The following PLS3 variants were observed in gnomAD, a reference collection of about 807,000 sequenced individuals.
PLS3 encodes plastin 3.
A neutral mutation model predicts 46.5 loss-of-function variants in PLS3; 11 were observed. The observed-to-expected ratio is 0.24, with a 90% CI of 0.15 to 0.39. PLS3 has a LOEUF of 0.39. PLS3 is among the 10% of genes least tolerant of loss of function. The pLI, the probability that PLS3 is intolerant of heterozygous loss-of-function variation, is 1.00. For synonymous variants in PLS3, 167 were observed against 162.2 expected, an observed-to-expected ratio of 1.03 and a Z score of -0.22; for missense variants, 308 against 461.8, an observed-to-expected ratio of 0.67 and a Z score of 3.05.
chrX:115,629,228 G>A lies in PLS3; in HGVS notation c.268G>A (p.Ala90Thr). 8.4e-7 allele frequency: 1 copy of A among 1,192,807 alleles called. No homozygotes were observed. Among genetic ancestry groups the A allele is most frequent in the South Asian group, 1.8e-5 (1 of 56,247 alleles). Residue 90 changes from alanine (A) to threonine (T), a missense_variant, in exon 4 of 16, where the codon GCC becomes ACC. This residue lies in a region of PLS3 where 271 missense variants were observed against 435.7 expected (regional missense o/e 0.62). Coordinates refer to ENST00000355899, the MANE Select transcript of PLS3 (RefSeq NM_005032.7). ...TCAAGAGGTAAAAAGTAGTGATATT[G>A]CCAAGACCTTCCGCAAAGCAATCAA... ...IFQEVKSSDI[A>T]KTFRKAINRK...
At chrX:115,563,098 C>T (rs2074150224) in intron 1 of PLS3, among the ~76,000 whole-genome samples, 1 of 111,563 alleles carries the variant, frequency 9.0e-6, no homozygotes, top group African/African-American at 3.3e-5. Context: ...ACTCATGCCT[C>T]ATTTTGTCCC....
At chrX:115,611,505 G>A (rs1400348395) in intron 2 of PLS3, among the ~76,000 whole-genome samples, 1 of 110,822 alleles carries the variant, frequency 9.0e-6, no homozygotes, top group East Asian at 2.8e-4. Flanking sequence ...AGTCAAAATA[G>A]TCTTATAATT....
At chrX:115,642,360 G>T (rs782682591) in intron 9 of PLS3, among the ~76,000 whole-genome samples, 130 of 111,420 alleles carry the variant, frequency 1.2e-3, no homozygotes, top group African/African-American at 3.9e-3. Context: ...AAAGAAATCA[G>T]TGGAAATAGA....
At position 115,579,207 on chromosome X, in the gene PLS3, T is replaced by C. The variant is rs111260589; in HGVS notation, c.-9+17947T>C. ...AGCTTTTTTTCTCTGAGCGTAATTC[T>C]CTTAGAGATTCAACCTAAGTTGTTG... is the stretch of plus-strand genomic sequence containing the variant. On this transcript the variant is annotated intron_variant, in intron 1 of 15. Transcript: ENST00000355899. Among the ~76,000 whole-genome samples, 597 of 112,190 alleles carry C rather than the reference T, an allele frequency of 5.3e-3. 2 individuals carry two copies. Among genetic ancestry groups the C allele is most frequent in the African/African-American group, 0.018 (556 of 30,913 alleles).
chrX:115,641,792 T>G (rs1345591360), intron 9 of PLS3, among the ~76,000 whole-genome samples: 1 of 110,258 alleles, frequency 9.1e-6, no homozygotes, highest in Non-Finnish European at 1.9e-5. Context: ...AAAACACTCT[T>G]TTGTCTCTTC....
chrX:115,598,292 C>CAA (rs782523501), intron 1 of PLS3, among the ~76,000 whole-genome samples: 1 of 65,454 alleles, frequency 1.5e-5, no homozygotes, highest in African/African-American at 5.3e-5. Context: ...GATTCTATTT[C>CAA]AAAAAAAAAA....
chrX:115,640,206 A>T, intron 8 of PLS3: 1 of 815,359 alleles, frequency 1.2e-6, no homozygotes, highest in Non-Finnish European at 1.8e-6. Context: ...AGTCATGTCA[A>T]AATCCAGTTC....
chrX:115,574,165 T>C (rs1416772781), intron 1 of PLS3, among the ~76,000 whole-genome samples: 1 of 111,824 alleles, frequency 8.9e-6, no homozygotes, highest in Non-Finnish European at 1.9e-5. Context: ...GAAAGAGCTG[T>C]ACTTTTAGGG....
intron 8 of PLS3, among the ~76,000 whole-genome samples, chrX:115,637,318 C>T (rs1320368865): frequency 3.6e-5 from 4 of 111,241 alleles, no homozygotes; most frequent in African/African-American, 1.3e-4. Context: ...AGTAAACACA[C>T]CTAGAAGAGA....
chrX:115,632,881 G>A (rs957781327), intron 5 of PLS3, among the ~76,000 whole-genome samples: 5 of 109,195 alleles, frequency 4.6e-5, no homozygotes, highest in African/African-American at 1.7e-4. Flanking sequence ...ACAAGCATGC[G>A]CCACTATGCC....
At chrX:115,636,061 T>G (rs1049993197) in intron 7 of PLS3, among the ~76,000 whole-genome samples, 73 of 111,039 alleles carry the variant, frequency 6.6e-4, no homozygotes, top group African/African-American at 2.1e-3. Context: ...TGAATTATAT[T>G]TCTGTTAAAA....
chrX:115,579,652 C>G (rs1287681096), intron 1 of PLS3, among the ~76,000 whole-genome samples: 2 of 111,988 alleles, frequency 1.8e-5, no homozygotes, highest in Non-Finnish European at 3.8e-5. Flanking sequence ...TTCATAATAA[C>G]TAATGATGTT....
chrX:115,577,518 CCCAGG>C (rs1556631346), intron 1 of PLS3, among the ~76,000 whole-genome samples: 2 of 110,895 alleles, frequency 1.8e-5, no homozygotes, highest in Admixed American at 9.7e-5. Context: ...TGCTCTGTTG[CCCAGG>C]CTGGAGAGTA....
chrX:115,581,589 TTGAA>T (rs2074279755), intron 1 of PLS3, among the ~76,000 whole-genome samples: 1 of 111,862 alleles, frequency 8.9e-6, no homozygotes. Flanking sequence ...TGAGGGAAAA[TTGAA>T]TGAGATCATG....
chrX:115,583,334 A>G (rs2074289739), intron 1 of PLS3, among the ~76,000 whole-genome samples: 2 of 112,860 alleles, frequency 1.8e-5, no homozygotes, highest in African/African-American at 6.4e-5. Context: ...ATTCATGGCA[A>G]ACTCCCAATG....
At position 115,629,230 on chromosome X, in the gene PLS3, C is replaced by A. The variant is rs1556638888; in HGVS notation, c.270C>A (p.Ala90=). The change falls in exon 4 of 16, where the codon GCC becomes GCA. Residue 90 remains alanine, a synonymous_variant. Coordinates refer to ENST00000355899, the MANE Select transcript of PLS3 (RefSeq NM_005032.7). ...IFQEVKSSDI[A]KTFRKAINRK... ...AAGAGGTAAAAAGTAGTGATATTGC[C>A]AAGACCTTCCGCAAAGCAATCAACA... 11 of 1,190,389 alleles carry A rather than the reference C, an allele frequency of 9.2e-6. No individual in the cohort carries two copies. Among genetic ancestry groups the A allele is most frequent in the Admixed American group, 4.4e-5 (2 of 45,402 alleles).
chrX:115,585,204 A>G (rs1348044289), intron 1 of PLS3, among the ~76,000 whole-genome samples: 1 of 110,988 alleles, frequency 9.0e-6, no homozygotes, highest in Non-Finnish European at 1.9e-5. Context: ...GAGCCCCTTG[A>G]GGATATGAAA....
chrX:115,622,233 C>G lies in PLS3; in HGVS notation c.74-13C>G. 1 of 1,184,374 alleles carries G rather than the reference C, an allele frequency of 8.4e-7. No homozygotes were observed. On this transcript the variant is annotated splice_polypyrimidine_tract_variant and intron_variant, in intron 2 of 15. Transcript: ENST00000355899. ...TTTTTTTCCTTTTTTGCTTGCTCTCCTTTTTTACAAAGATCTCAACAGCAA... is the reference window on the plus strand; with the variant it reads ...TTTTTTTCCTTTTTTGCTTGCTCTCGTTTTTTACAAAGATCTCAACAGCAA...
chrX:115,642,003 C>T (rs2074902000), intron 9 of PLS3, among the ~76,000 whole-genome samples: 1 of 105,077 alleles, frequency 9.5e-6, no homozygotes, highest in African/African-American at 3.5e-5. Context: ...TTTCAGTGTC[C>T]TTCATCTTTT....
Sources: gnomAD v4.1 joint callset for allele counts (sites outside exome capture counted in the v4.1 genomes callset) on GRCh38, gnomAD v4.1.1 for gene constraint, gnomAD v4.1.1 regional missense constraint, MANE v1.5 for transcripts, NCBI Gene and HGNC (gene_info 2026-07-23, HGNC 2026-07-21) for gene names.